Variants in PMF1 observed in about 807,000 individuals in gnomAD.
The protein encoded by PMF1 is polyamine-modulated factor 1.
A neutral mutation model predicts 26.7 loss-of-function variants in PMF1; 21 were observed. That is an observed-to-expected ratio of 0.79 (90% CI 0.56 to 1.13). PMF1 has a LOEUF of 1.13. PMF1 is among the 50% of genes most tolerant of loss of function. The pLI is 0.00. For synonymous variants in PMF1, 105 were observed against 101.0 expected (o/e 1.04, Z -0.24); for missense variants, 266 against 254.9 (o/e 1.04, Z -0.30).
intron 1 of PMF1, among the ~76,000 whole-genome samples, chr1:156,219,580 C>T (rs768696683): frequency 4.9e-4 from 75 of 152,064 alleles, no homozygotes; most frequent in Non-Finnish European, 5.3e-4. Flanking sequence ...CAAGTCCCAT[C>T]TTTTCTCTTT....
At position 156,213,148 on chromosome 1, in the gene PMF1, TTTC is replaced by T. The variant is rs1460529615; in HGVS notation, c.137_139del (p.Leu46del). The stretch of plus-strand genomic sequence containing the variant: ...GCTCCTCGACACCATGGTGGACACT[TTTC>T]TTCAGAAGCTGGTCGCCGCCGGCAG... On this transcript the variant is annotated inframe_deletion, in exon 1 of 5. Coordinates refer to ENST00000368277, the MANE Select transcript of PMF1 (RefSeq NM_007221.4). The T allele has an allele frequency of 6.2e-7, 1 of 1,613,886 alleles. No individual in the cohort carries two copies. The highest frequency in any genetic ancestry group is 8.5e-7 in the Non-Finnish European group (1 of 1,179,792).
intron 1 of PMF1, among the ~76,000 whole-genome samples, chr1:156,229,291 G>A (rs1204109160): frequency 9.9e-5 from 15 of 152,046 alleles, no homozygotes; most frequent in East Asian, 1.9e-4. Context: ...GTGAGAGACC[G>A]CCACTCTGAC....
intron 1 of PMF1, among the ~76,000 whole-genome samples, chr1:156,220,125 G>A (rs1007968633): frequency 2.0e-5 from 3 of 151,820 alleles, no homozygotes; most frequent in Admixed American, 6.6e-5. Flanking sequence ...CACCACGCCC[G>A]GCTAATTTTT....
intron 2 of PMF1, among the ~76,000 whole-genome samples, chr1:156,233,357 C>T (rs1227430921): frequency 1.3e-5 from 2 of 151,180 alleles, no homozygotes; most frequent in Non-Finnish European, 2.9e-5. Context: ...AGGGTTTCAC[C>T]GTGTTACCAG....
At chr1:156,220,401 A>G (rs930971212) in intron 1 of PMF1, among the ~76,000 whole-genome samples, 1 of 151,854 alleles carries the variant, frequency 6.6e-6, no homozygotes, top group African/African-American at 2.4e-5. Context: ...TTTTGTAGAA[A>G]TGGGGTCTTG....
intron 1 of PMF1, among the ~76,000 whole-genome samples, chr1:156,216,711 G>A (rs1057308522): frequency 6.6e-5 from 10 of 151,860 alleles, no homozygotes; most frequent in Middle Eastern, 3.4e-3. Context: ...CGCCCGGGGC[G>A]GCCGCGACAA....
At chr1:156,213,202 A>G in intron 1 of PMF1, 26 bp downstream of exon 1, 3 of 1,607,626 alleles carry the variant, frequency 1.9e-6, no homozygotes, top group Non-Finnish European at 2.6e-6. Context: ...CCGCGGTGGG[A>G]GTGTTTGTTG....
At chr1:156,218,481 T>A (rs1200807864) in intron 1 of PMF1, among the ~76,000 whole-genome samples, 1 of 152,062 alleles carries the variant, frequency 6.6e-6, no homozygotes, top group East Asian at 1.9e-4. Flanking sequence ...AAGAGCCATT[T>A]AAAAAAATGC....
At chr1:156,238,618 C>T (rs1217868052) in intron 4 of PMF1, among the ~76,000 whole-genome samples, 4 of 152,248 alleles carry the variant, frequency 2.6e-5, no homozygotes, top group African/African-American at 9.6e-5. Flanking sequence ...CAGCCCCCTT[C>T]CTGGGGCAAA....
At chr1:156,217,766 GTGCACA>G (rs1487280879) in intron 1 of PMF1, among the ~76,000 whole-genome samples, 3 of 151,094 alleles carry the variant, frequency 2.0e-5, no homozygotes, top group Non-Finnish European at 4.4e-5. Flanking sequence ...TGCTCTAAAA[GTGCACA>G]TGCACATGGT....
intron 4 of PMF1, chr1:156,237,077 C>G (rs1422888595): frequency 6.5e-6 from 1 of 153,080 alleles, no homozygotes; most frequent in South Asian, 2.1e-4. Flanking sequence ...GACCTCTCTT[C>G]TAACTACTTT....
intron 1 of PMF1, among the ~76,000 whole-genome samples, chr1:156,220,049 C>T (rs1657997669): frequency 6.6e-6 from 1 of 151,078 alleles, no homozygotes; most frequent in Non-Finnish European, 1.5e-5. Flanking sequence ...CTGCAAGCTC[C>T]ACCTCCCGGG....
Position 156,233,320 on chromosome 1 carries a change from A to ATT in PMF1, c.268-292_268-291dup, listed in dbSNP as rs572347708. ...AGCTGAGTGCCACCACATCCAGCTA[A>ATT]TTTTTTTTTTTTTTTTTAGTAGCGA... On this transcript the variant is annotated intron_variant, in intron 2 of 4. Coordinates refer to ENST00000368277, the MANE Select transcript of PMF1 (RefSeq NM_007221.4). Among the ~76,000 whole-genome samples the ATT allele has an allele frequency of 9.1e-4, 126 of 138,426 alleles. No individual in the cohort carries two copies. In the Middle Eastern group the frequency reaches 0.015, roughly 16 times the overall value. The allele number at this position is 138,426 out of a possible 152,430, so 90.8% of individuals were successfully genotyped here.
chr1:156,213,274 T>G lies in PMF1; in HGVS notation c.161+98T>G, dbSNP rs1293916787. 4.6e-6 allele frequency: 7 copies of G among 1,532,184 alleles called. No individual in the cohort carries two copies. In the Admixed American group the frequency reaches 1.0e-4, roughly 22 times the overall value. The allele number at this position is 1,532,184 out of a possible 1,614,324, so 94.9% of individuals were successfully genotyped here. A position where few individuals can be genotyped will look rare whatever the true frequency, so the allele number is the denominator to read the frequency against. Reference sequence around the variant, plus strand: ...GCAGGCTGGCGCGCGGTGACGTGGGTCCGCGTTGGGGGCGGGGCAGTCGGA... The same window carrying G: ...GCAGGCTGGCGCGCGGTGACGTGGGGCCGCGTTGGGGGCGGGGCAGTCGGA... On this transcript the variant is annotated intron_variant, in intron 1 of 4. Coordinates refer to ENST00000368277, the MANE Select transcript of PMF1 (RefSeq NM_007221.4).
At chr1:156,218,234 C>G (rs1423882167) in intron 1 of PMF1, among the ~76,000 whole-genome samples, 1 of 152,070 alleles carries the variant, frequency 6.6e-6, no homozygotes, top group African/African-American at 2.4e-5. Context: ...GGTTTTTTAT[C>G]TTGTTGATTT....
chr1:156,228,286 T>TTTTTTTTTTTTTTTTC (rs1658498889), intron 1 of PMF1, among the ~76,000 whole-genome samples: 1 of 147,458 alleles, frequency 6.8e-6, no homozygotes, highest in African/African-American at 2.5e-5. Context: ...TTTTTTTTTT[T>TTTTTTTTTTTTTTTTC]TTAGTGTATC....
intron 3 of PMF1, 49 bp downstream of exon 3, chr1:156,233,777 T>C (rs760528516): frequency 9.7e-5 from 147 of 1,513,454 alleles, no homozygotes; most frequent in Non-Finnish European, 1.3e-4. Context: ...AGGCAGCAAT[T>C]AAGCTTTTTT....
At chr1:156,235,831 A>T (rs1017104332) in intron 3 of PMF1, among the ~76,000 whole-genome samples, 1 of 152,204 alleles carries the variant, frequency 6.6e-6, no homozygotes, top group Non-Finnish European at 1.5e-5. Flanking sequence ...TTCCCAGATC[A>T]GCCAACACTT....
chr1:156,231,141 C>T (rs1253091978), intron 1 of PMF1, among the ~76,000 whole-genome samples: 3 of 132,148 alleles, frequency 2.3e-5, no homozygotes, highest in South Asian at 5.1e-4. Flanking sequence ...GGTGTGAACG[C>T]GGGAGGCGGA....
Sources: allele counts gnomAD v4.1 joint callset (sites outside exome capture counted in the v4.1 genomes callset), GRCh38; gene constraint gnomAD v4.1.1; transcripts MANE v1.5; gene names NCBI Gene and HGNC (gene_info 2026-07-23, HGNC 2026-07-21).